AGBL4: variants seen among roughly 807,000 people sequenced by gnomAD.
AGBL4 encodes cytosolic carboxypeptidase 6.
AGBL4 carries 58 observed loss-of-function variants against 66.4 expected under a neutral mutation model. The ratio of observed to expected loss-of-function variants is 0.87; its 90% confidence interval spans 0.71 to 1.09. The LOEUF (loss-of-function observed/expected upper bound fraction) is 1.09, where lower values mean the gene tolerates loss of function less well. Ranked by LOEUF, AGBL4 falls within the 50% of genes least tolerant of loss-of-function variation. The pLI is 0.00. For missense variants in AGBL4, 579 were observed against 631.0 expected, an observed-to-expected ratio of 0.92 and a Z score of 0.88; for synonymous variants, 234 against 222.9, an observed-to-expected ratio of 1.05 and a Z score of -0.44.
intron 2 of AGBL4, among the ~76,000 whole-genome samples, chr1:49,774,899 C>G (rs532561704): frequency 6.6e-6 from 1 of 152,154 alleles, no homozygotes; most frequent in Non-Finnish European, 1.5e-5. Flanking sequence ...CTTAAGGAGA[C>G]AAGTGCACAA....
intron 3 of AGBL4, among the ~76,000 whole-genome samples, chr1:49,486,301 G>A (rs748039086): frequency 2.0e-5 from 3 of 151,856 alleles, no homozygotes; most frequent in African/African-American, 7.3e-5. Flanking sequence ...CATATGTATT[G>A]TTCTTTTAAA....
chr1:48,877,796 G>C (rs566297804), intron 5 of AGBL4, among the ~76,000 whole-genome samples: 1 of 152,220 alleles, frequency 6.6e-6, no homozygotes, highest in South Asian at 2.1e-4. Flanking sequence ...GGAGCACAGA[G>C]ATAGGTGAAA....
In AGBL4 at chr1:48,957,217, G is replaced by A. The variant is rs527668153; in HGVS notation, c.594+88367C>T. Among the ~76,000 whole-genome samples the A allele has an allele frequency of 1.3e-3, 193 of 152,106 alleles. 7 individuals carry two copies. In the South Asian group the frequency reaches 0.039, roughly 31 times the overall value. On this transcript the variant is annotated intron_variant, in intron 5 of 13. Transcript: ENST00000371839. ...AATAAAACATCCACACTTTCAAACT[G>A]TATATAAGTGGCATCATATTGTACT...
At chr1:49,258,235 A>G (rs1282679725) in intron 3 of AGBL4, among the ~76,000 whole-genome samples, 4 of 152,232 alleles carry the variant, frequency 2.6e-5, no homozygotes, top group South Asian at 2.1e-4. Context: ...TGGAAACTCT[A>G]AAAAGCAGAG....
chr1:48,711,653 C>A (rs560557402), intron 6 of AGBL4, among the ~76,000 whole-genome samples: 2 of 152,208 alleles, frequency 1.3e-5, no homozygotes, highest in South Asian at 4.1e-4. Flanking sequence ...AACCCTCTCC[C>A]CAGCCCACCG....
chr1:49,703,513 C>A (rs1274464132), intron 2 of AGBL4, among the ~76,000 whole-genome samples: 5 of 150,844 alleles, frequency 3.3e-5, no homozygotes, highest in African/African-American at 1.2e-4. Context: ...AAATTCCACA[C>A]GCATTCATGA....
At chr1:48,588,935 A>C (rs922933365) in intron 10 of AGBL4, among the ~76,000 whole-genome samples, 2 of 152,146 alleles carry the variant, frequency 1.3e-5, no homozygotes, top group Non-Finnish European at 2.9e-5. Context: ...CAATGCAGAA[A>C]CATCAGGCAA....
intron 6 of AGBL4, among the ~76,000 whole-genome samples, chr1:48,764,088 A>G (rs920215727): frequency 6.6e-6 from 1 of 152,216 alleles, no homozygotes; most frequent in African/African-American, 2.4e-5. Flanking sequence ...GGGATACAAG[A>G]TAAAAACACA....
intron 2 of AGBL4, among the ~76,000 whole-genome samples, chr1:49,748,768 CT>C (rs1385271102): frequency 1.3e-5 from 2 of 152,090 alleles, no homozygotes; most frequent in African/African-American, 4.8e-5. Flanking sequence ...CGATGATGAG[CT>C]TTTTTTCACA....
At chr1:49,793,331 C>T (rs547333782) in intron 2 of AGBL4, among the ~76,000 whole-genome samples, 3 of 152,096 alleles carry the variant, frequency 2.0e-5, no homozygotes, top group East Asian at 1.9e-4. Context: ...GTGCTCTATC[C>T]GTTGATACTA....
chr1:49,260,002 C>A (rs1351349996), intron 3 of AGBL4, among the ~76,000 whole-genome samples: 2 of 152,188 alleles, frequency 1.3e-5, no homozygotes, highest in East Asian at 3.9e-4. Flanking sequence ...GATTAAGAAA[C>A]TCACTGAAAA....
chr1:49,810,873 C>A (rs955639605), intron 2 of AGBL4, among the ~76,000 whole-genome samples: 1 of 152,066 alleles, frequency 6.6e-6, no homozygotes, highest in African/African-American at 2.4e-5. Flanking sequence ...AAGGTAGACA[C>A]CTGAGGTAGC....
At chr1:49,452,572 C>T (rs1572624) in intron 3 of AGBL4, among the ~76,000 whole-genome samples, 1 of 151,810 alleles carries the variant, frequency 6.6e-6, no homozygotes, top group African/African-American at 2.4e-5. Flanking sequence ...ATATATTTCT[C>T]ATTTTCTACA....
chr1:48,855,287 A>G (rs993037829), intron 6 of AGBL4, among the ~76,000 whole-genome samples: 13 of 152,168 alleles, frequency 8.5e-5, no homozygotes, highest in African/African-American at 3.1e-4. Flanking sequence ...CCAGTGATCA[A>G]TCCCTTCACT....
chr1:49,948,189 AATATATATAAATATAAATATATAAAT>A (rs1655596816), intron 1 of AGBL4, among the ~76,000 whole-genome samples: 5 of 98,740 alleles, frequency 5.1e-5, no homozygotes, highest in East Asian at 3.4e-4. Context: ...ACTATATATA[AATATATATAAATATAAATATATAAAT>A]ATATATAAAT....
intron 5 of AGBL4, among the ~76,000 whole-genome samples, chr1:49,024,220 G>A (rs1663466696): frequency 6.6e-6 from 1 of 152,042 alleles, no homozygotes; most frequent in African/African-American, 2.4e-5. Context: ...GGATTAATAT[G>A]GTTTATCTTT....
intron 3 of AGBL4, among the ~76,000 whole-genome samples, chr1:49,255,252 T>A (rs1164356572): frequency 3.3e-5 from 5 of 151,818 alleles, no homozygotes; most frequent in Admixed American, 1.3e-4. Flanking sequence ...GAGAAAAAAA[T>A]TTGCAAACTA....
Position 49,591,453 on chromosome 1 carries a change from T to C in AGBL4, c.282+105860A>G, listed in dbSNP as rs546624364. 9.1e-4 allele frequency among the ~76,000 whole-genome samples: 138 copies of C among 152,186 alleles called. 3 individuals are homozygous for C. In the South Asian group the frequency reaches 0.027, roughly 29 times the overall value. ...CTGACTAAAAAAAAGAAAATCTGAA[T>C]AGGCCTGTATTAAGTAAAGGAATTG... On this transcript the variant is annotated intron_variant, in intron 3 of 13. Transcript: ENST00000371839.
In AGBL4 at chr1:49,066,516, C is replaced by T. The variant is rs146107534; in HGVS notation, c.378-20716G>A. Among the ~76,000 whole-genome samples the T allele has an allele frequency of 1.4e-4, 22 of 152,266 alleles. No homozygotes were observed. In the East Asian group the frequency reaches 4.3e-3, roughly 29 times the overall value. On this transcript the variant is annotated intron_variant, in intron 4 of 13. Transcript: ENST00000371839. ...GCAGTAAGCCAAGACTGCACCACTG[C>T]AACTCCAGCCTGGTGACAGAGCAAG...
Sources: gnomAD v4.1 joint callset for allele counts (sites outside exome capture counted in the v4.1 genomes callset) on GRCh38, gnomAD v4.1.1 for gene constraint, MANE v1.5 for transcripts, NCBI Gene and HGNC (gene_info 2026-07-23, HGNC 2026-07-21) for gene names.